The following PLEC variants were observed in gnomAD, a reference collection of about 807,000 sequenced individuals.
PLEC encodes the protein hemidesmosomal protein 1.
Under a neutral mutation model 392.8 loss-of-function variants are expected in PLEC, and 216 were observed. The ratio of observed to expected loss-of-function variants is 0.55; its 90% CI spans 0.49 to 0.62. The LOEUF (loss-of-function observed/expected upper bound fraction) is 0.62. Among genes scored for constraint, PLEC ranks in the 20% least tolerant of loss-of-function variants. The pLI, the probability that PLEC is intolerant of heterozygous loss-of-function variation, is 0.00. For missense variants in PLEC, 6,863 were observed against 6,563.4 expected, an observed-to-expected ratio of 1.05 and a Z score of -1.58; for synonymous variants, 3,621 against 2,980.6, an observed-to-expected ratio of 1.21 and a Z score of -7.00.
Position 143,938,381 on chromosome 8 carries a change from T to G in PLEC, c.175-141A>C, listed in dbSNP as rs1398541025. The G allele has an allele frequency of 2.0e-6, 3 of 1,535,320 alleles. No homozygotes were observed. The East Asian group carries it at 7.3e-5, about 38-fold the overall frequency. On this transcript the variant is annotated intron_variant, in intron 2 of 31. Coordinates refer to ENST00000345136, the MANE Select transcript of PLEC (RefSeq NM_201384.3). ...TCCCGGGAGCCCACGGAACACACCC[T>G]GCCCCACGGAGGCACCTACCTCTGC...
In PLEC at chr8:143,922,749, G is replaced by C; in HGVS notation, c.7180C>G (p.Arg2394Gly). ...RLKLRVAEMSRAQARAEEDAQ... is the reference protein window; with the variant it reads ...RLKLRVAEMSGAQARAEEDAQ... ...TCCTCCTCAGCGCGGGCCTGGGCTC[G>C]GCTCATCTCGGCCACACGCAGCTTG... is the stretch of plus-strand genomic sequence containing the variant. The change falls in exon 31 of 32, where the codon CGA becomes GGA. Residue 2394 changes from arginine to glycine, a missense_variant. Arg to Gly is a moderately radical substitution (Grantham distance 125). Coordinates refer to ENST00000345136, the MANE Select transcript of PLEC (RefSeq NM_201384.3). 1.2e-6 allele frequency: 2 copies of C among 1,609,290 alleles called. No homozygotes were observed. The highest frequency in any genetic ancestry group is 3.7e-4 in the Middle Eastern group (2 of 5,440).
In PLEC at chr8:143,925,629, G is replaced by C; in HGVS notation, c.4300C>G (p.Gln1434Glu). 1 of 1,583,458 alleles carries C rather than the reference G, an allele frequency of 6.3e-7. No individual in the cohort carries two copies. Among genetic ancestry groups the C allele is most frequent in the Non-Finnish European group, 8.5e-7 (1 of 1,172,218 alleles). ...QLRQSSEAEI[Q>E]AKARQAEAAE... Reference sequence around the variant, plus strand: ...GCCTCTGCCTGCCGGGCCTTGGCCTGGATCTCCGCCTCCGAGCTCTGCCGC... The same window carrying C: ...GCCTCTGCCTGCCGGGCCTTGGCCTCGATCTCCGCCTCCGAGCTCTGCCGC... The change falls in exon 31 of 32, where the codon CAG (glutamine) becomes GAG (glutamate). Residue 1434 changes from glutamine (Q) to glutamate (E), a missense_variant. Transcript: ENST00000345136.
chr8:143,959,779 G>A lies in PLEC; in HGVS notation c.70+13624C>T, dbSNP rs1832781894. ...TGGGAGGCCAAGGCGGGCAGATCAC[G>A]AGGTCAGGAGATTGAGACCATCCTG... On this transcript the variant is annotated intron_variant, in intron 1 of 31. Coordinates refer to the PLEC transcript ENST00000356346. 5.6e-5 allele frequency among the ~76,000 whole-genome samples: 8 copies of A among 142,982 alleles called. 1 individual carries two copies. Among genetic ancestry groups the A allele is most frequent in the Admixed American group, 5.5e-4 (8 of 14,520 alleles). The allele number at this position is 142,982 out of a possible 152,430, so 93.8% of individuals were successfully genotyped here.
Position 143,919,941 on chromosome 8 carries a change from C to T in PLEC, c.9880G>A (p.Glu3294Lys), listed in dbSNP as rs1233373348. ...VIKILITIVE[E>K]VETLRQERLS... ...CTCTCCTGCCGCAGGGTCTCCACCT[C>T]CTCCACGATGGTAATGAGAATCTTG... The change falls in exon 32 of 32, where the codon GAG becomes AAG. Residue 3294 changes from glutamate (E) to lysine (K), a missense_variant. By Grantham distance (56) the Glu-to-Lys change is moderately conservative. Transcript: ENST00000345136. 4 of 1,613,446 alleles carry T rather than the reference C, an allele frequency of 2.5e-6. No homozygotes were observed. The Admixed American group carries it at 5.0e-5, about 20-fold the overall frequency.
intron 5 of PLEC, 88 bp from the exon 6 acceptor site, chr8:143,936,102 G>C (rs2132131938): frequency 6.8e-7 from 1 of 1,471,864 alleles, no homozygotes; most frequent in Middle Eastern, 1.9e-4. Context: ...GGCAGGGGTA[G>C]CTCAGCACCC....
At chr8:143,950,032 C>T (rs1831959178) in intron 1 of PLEC, 1 of 1,037,496 alleles carries the variant, frequency 9.6e-7, no homozygotes, top group African/African-American at 1.6e-5. Context: ...CACCCCCTGA[C>T]CCTCGGCTAG....
At position 143,929,503 on chromosome 8, in the gene PLEC, C is replaced by T. The variant is rs559552232; in HGVS notation, c.2992G>A (p.Ala998Thr). 21 of 1,611,944 alleles carry T rather than the reference C, an allele frequency of 1.3e-5. No individual in the cohort carries two copies. The South Asian group carries it at 2.3e-4, about 18-fold the overall frequency. The change falls in exon 24 of 32, where the codon GCC becomes ACC. Residue 998 changes from alanine to threonine, a missense_variant. Transcript: ENST00000345136. ...ELKDIRLQLE[A>T]CETRTVHRLR... ...CGGTGCACGGTGCGCGTCTCACAGG[C>T]CTCCAGCTGCAGCCGGATGTCTTTG... is the stretch of plus-strand genomic sequence containing the variant.
rs1190132489 is a variant in PLEC, at chr8:143,963,809, A to ATTT, written c.70+9591_70+9593dup. 5.1e-3 allele frequency among the ~76,000 whole-genome samples: 609 copies of ATTT among 119,904 alleles called. 14 individuals carry two copies. Among genetic ancestry groups the ATTT allele is most frequent in the Non-Finnish European group, 7.7e-3 (449 of 58,398 alleles). 78.7% of individuals were successfully genotyped at this position (119,904 alleles called of 152,430 possible). On this transcript the variant is annotated intron_variant, in intron 1 of 31. Transcript: ENST00000356346. ...AGCCATGTGCCACCACACCTGGCTA[A>ATTT]TTTTTTTTTTTTTTTTTTTTTGAGA...
upstream of PLEC, among the ~76,000 whole-genome samples, chr8:143,956,891 A>G (rs1554739398): frequency 6.6e-6 from 1 of 152,220 alleles, no homozygotes; most frequent in East Asian, 1.9e-4. Flanking sequence ...AGCCAGCTGC[A>G]CGTCAGTCAG....
rs200658318 is a variant in PLEC, at chr8:143,923,311, G to A, written c.6618C>T (p.Asp2206=). The A allele has an allele frequency of 1.9e-4, 311 of 1,609,358 alleles. 2 individuals carry two copies. In the East Asian group the frequency reaches 6.4e-3, roughly 33 times the overall value. Residue 2206 remains aspartate (D), a synonymous_variant, in exon 31 of 32, where the codon GAC becomes GAT. Transcript: ENST00000345136. ...EETDHQKNLL[D]EELQRLKAEA... is the part of the protein sequence containing the mutation. ...CCGCCTTCAGCCGCTGCAGCTCCTC[G>A]TCCAGCAGGTTCTTCTGGTGGTCGG...
At chr8:143,933,156 C>CCACCAG (rs1564135242) in intron 13 of PLEC, 41 bp downstream of exon 13, 1 of 1,383,030 alleles carries the variant, frequency 7.2e-7, no homozygotes, top group Non-Finnish European at 9.8e-7. Flanking sequence ...GGCCTGGGGC[C>CCACCAG]GTGTGTACCT....
chr8:143,917,532 C>T lies in PLEC; in HGVS notation c.12289G>A (p.Glu4097Lys). 2 of 1,613,960 alleles carry T rather than the reference C, an allele frequency of 1.2e-6. No individual in the cohort carries two copies. Among genetic ancestry groups the T allele is most frequent in the Non-Finnish European group, 8.5e-7 (1 of 1,180,028 alleles). ...ATCAGCTGCAGGTAGGTGAGGTTCT[C>T]CTCCGTGTTAGGGTCAAAGAAGCCC... The part of the protein sequence containing the change: ...TKGFFDPNTE[E>K]NLTYLQLMER... The change falls in exon 32 of 32, where the codon GAG becomes AAG. Residue 4097 changes from glutamate to lysine, a missense_variant. Physicochemically the swap from Glu to Lys is moderately conservative, Grantham distance 56. Transcript: ENST00000345136.
intron 28 of PLEC, 58 bp downstream of exon 28, chr8:143,927,194 G>A (rs372291841): frequency 4.0e-5 from 64 of 1,584,732 alleles, no homozygotes; most frequent in African/African-American, 8.1e-5. Flanking sequence ...GGGAAAGCCC[G>A]CCATCATCCT....
Position 143,927,569 on chromosome 8 carries a change from C to T in PLEC, c.3597G>A (p.Gln1199=). 1 of 1,592,200 alleles carries T rather than the reference C, an allele frequency of 6.3e-7. No individual in the cohort carries two copies. The highest frequency in any genetic ancestry group is 1.1e-5 in the South Asian group (1 of 90,206). Residue 1199 remains glutamine, a synonymous_variant, in exon 27 of 32, where the codon CAG becomes CAA. Coordinates refer to ENST00000345136, the MANE Select transcript of PLEC (RefSeq NM_201384.3). The part of the protein sequence containing the change: ...QAVLAQTDVR[Q]RELEQLGRQL... Reference sequence around the variant, plus strand: ...GGCGGCCCAGTTGCTCGAGCTCGCGCTGCCGCACGTCGGTCTGGGCCAGCA... The same window carrying T: ...GGCGGCCCAGTTGCTCGAGCTCGCGTTGCCGCACGTCGGTCTGGGCCAGCA...
intron 5 of PLEC, 27 bp from the exon 6 acceptor site, chr8:143,936,041 G>A: frequency 6.2e-7 from 1 of 1,608,516 alleles, no homozygotes; most frequent in Non-Finnish European, 8.5e-7. Context: ...GGAGGCCACA[G>A]CTCAGCCACA....
chr8:143,922,690 G>T lies in PLEC; in HGVS notation c.7239C>A (p.Ile2413=), dbSNP rs370156381. Residue 2413 remains isoleucine (I), a synonymous_variant, in exon 31 of 32, where the codon ATC becomes ATA. Coordinates refer to ENST00000345136, the MANE Select transcript of PLEC (RefSeq NM_201384.3). ...GCTCCGTGCGGTGCAGCTTCTCACCGATCTCCTCCGCCTGCTTCCGGAAGC... is the reference window on the plus strand; with the variant it reads ...GCTCCGTGCGGTGCAGCTTCTCACCTATCTCCTCCGCCTGCTTCCGGAAGC... The part of the protein sequence containing the change: ...AQRFRKQAEE[I]GEKLHRTELA... 6 of 1,612,670 alleles carry T rather than the reference G, an allele frequency of 3.7e-6. No individual in the cohort carries two copies. In the African/African-American group the frequency reaches 5.3e-5, roughly 14 times the overall value.
chr8:143,941,015 C>T (rs1412883372), upstream of PLEC, among the ~76,000 whole-genome samples: 3 of 152,368 alleles, frequency 2.0e-5, no homozygotes, highest in East Asian at 1.9e-4. Context: ...AATCTGACCC[C>T]GCACTGGTCA....
chr8:143,919,923 G>C lies in PLEC; in HGVS notation c.9898C>G (p.Gln3300Glu), dbSNP rs375796882. The C allele has an allele frequency of 3.7e-6, 6 of 1,613,232 alleles. No homozygotes were observed. In the African/African-American group the frequency reaches 8.0e-5, roughly 22 times the overall value. The change falls in exon 32 of 32, where the codon CAG (glutamine) becomes GAG (glutamate). Residue 3300 changes from glutamine to glutamate, a missense_variant. By Grantham distance (29) the Gln-to-Glu change is conservative. Transcript: ENST00000345136. ...AGGCCGCTGAAGGACAGCCTCTCCT[G>C]CCGCAGGGTCTCCACCTCCTCCACG... is the stretch of plus-strand genomic sequence containing the variant. ...TIVEEVETLR[Q>E]ERLSFSGLRA...
rs782427593 is a variant in PLEC at position 143,916,566 on chromosome 8, C to T, written c.13255G>A (p.Ala4419Thr). The T allele has an allele frequency of 1.6e-5, 26 of 1,611,490 alleles. No homozygotes were observed. Among genetic ancestry groups the T allele is most frequent in the Admixed American group, 6.7e-5 (4 of 59,982 alleles). The change falls in exon 32 of 32, where the codon GCC becomes ACC. Residue 4419 changes from alanine (A) to threonine (T), a missense_variant. Physicochemically the swap from Ala to Thr is moderately conservative, Grantham distance 58 (BLOSUM62 0). Transcript: ENST00000345136. ...TCACGCAGCTTCTGTGCGGTGCGGG[C>T]GTCCACCGTGCCGCGCTGCAGGGCC... is the stretch of plus-strand genomic sequence containing the variant. ...DEALQRGTVD[A>T]RTAQKLRDVG...
Sources: gnomAD v4.1 joint callset for allele counts (sites outside exome capture counted in the v4.1 genomes callset) on GRCh38, gnomAD v4.1.1 for gene constraint, MANE v1.5 for transcripts, NCBI Gene and HGNC (gene_info 2026-07-23, HGNC 2026-07-21) for gene names.